The following JMJD1C variants were observed in gnomAD, a reference collection of about 807,000 sequenced individuals.
JMJD1C encodes the protein jumonji domain-containing protein 1C.
Under a neutral mutation model 245.3 loss-of-function variants are expected in JMJD1C, and 31 were observed. The ratio of observed to expected loss-of-function variants is 0.13; its 90% CI spans 0.09 to 0.17. The LOEUF (loss-of-function observed/expected upper bound fraction) is 0.17. Among genes scored for constraint, JMJD1C ranks in the 10% least tolerant of loss-of-function variants. The pLI, the probability that JMJD1C is intolerant of heterozygous loss-of-function variation, is 1.00. For missense variants in JMJD1C, 2,691 were observed against 3,000.2 expected (o/e 0.90, Z 2.41); for synonymous variants, 1,057 against 1,017.4 (o/e 1.04, Z -0.74).
intron 1 of JMJD1C, among the ~76,000 whole-genome samples, chr10:63,435,334 T>C (rs1337992224): frequency 7.2e-5 from 11 of 152,138 alleles, no homozygotes; most frequent in Non-Finnish European, 1.5e-4. Flanking sequence ...AAAGAAACAG[T>C]TGTACTTTTA....
intron 1 of JMJD1C, among the ~76,000 whole-genome samples, chr10:63,422,284 C>T (rs1427345485): frequency 3.3e-5 from 5 of 152,048 alleles, no homozygotes; most frequent in South Asian, 4.2e-4. Flanking sequence ...TGGTGGTGTG[C>T]GCCTGTAATC....
chr10:63,208,509 A>G lies in JMJD1C; in HGVS notation c.3160T>C (p.Ser1054Pro), dbSNP rs1461145717. 8 of 1,613,960 alleles carry G rather than the reference A, an allele frequency of 5.0e-6. No homozygotes were observed. The highest frequency in any genetic ancestry group is 6.8e-6 in the Non-Finnish European group (8 of 1,179,994). Residue 1054 changes from serine to proline, a missense_variant, in exon 10 of 26, where the codon TCA becomes CCA. This residue lies in a region of JMJD1C where 1,562 missense variants were observed against 1,490.7 expected (regional missense o/e 1.05). Coordinates refer to ENST00000399262, the MANE Select transcript of JMJD1C (RefSeq NM_032776.3). The stretch of plus-strand genomic sequence containing the variant: ...TGGCTTTTAGGACTGGAAGATGATG[A>G]TGCCACTCTGGAATAATTCTCTCTC... ...GERENYSRVA[S>P]SSSSPKSHII...
chr10:63,361,617 T>TAA (rs957790902), intron 2 of JMJD1C, among the ~76,000 whole-genome samples: 10 of 149,974 alleles, frequency 6.7e-5, no homozygotes, highest in African/African-American at 2.5e-4. Context: ...CAGCATGTCT[T>TAA]AAGTTAAGGA....
intron 2 of JMJD1C, among the ~76,000 whole-genome samples, chr10:63,316,163 T>A (rs960818464): frequency 6.6e-6 from 1 of 152,194 alleles, no homozygotes; most frequent in African/African-American, 2.4e-5. Context: ...TAGAGCAAGA[T>A]CCTGTCTCAA....
intron 1 of JMJD1C, among the ~76,000 whole-genome samples, chr10:63,491,218 C>T (rs1007076645): frequency 2.0e-5 from 3 of 152,050 alleles, no homozygotes; most frequent in African/African-American, 7.3e-5. Context: ...TATTACCTTC[C>T]TCATCTCATT....
chr10:63,362,567 C>T (rs545971477), intron 2 of JMJD1C, among the ~76,000 whole-genome samples: 1 of 152,112 alleles, frequency 6.6e-6, no homozygotes, highest in East Asian at 1.9e-4. Context: ...GCAGCCTTGG[C>T]CTCCAAGGCT....
intron 3 of JMJD1C, among the ~76,000 whole-genome samples, chr10:63,243,103 T>TTATATATATA (rs10607355): frequency 0.022 from 2,657 of 120,012 alleles, 90 homozygotes; most frequent in Middle Eastern, 0.033. Context: ...CTAACATAAA[T>TTATATATATA]TATATATATA....
intron 2 of JMJD1C, among the ~76,000 whole-genome samples, chr10:63,308,983 G>A (rs1040725302): frequency 6.6e-6 from 1 of 152,130 alleles, no homozygotes; most frequent in African/African-American, 2.4e-5. Context: ...TCAGAAAACA[G>A]AATGGCAGAA....
intron 1 of JMJD1C, among the ~76,000 whole-genome samples, chr10:63,418,480 A>C (rs993546129): frequency 3.3e-5 from 5 of 152,210 alleles, no homozygotes; most frequent in African/African-American, 1.2e-4. Flanking sequence ...AGGTACAACA[A>C]ATAAAACAAT....
intron 1 of JMJD1C, among the ~76,000 whole-genome samples, chr10:63,395,889 A>G (rs1049835650): frequency 7.9e-5 from 12 of 152,198 alleles, no homozygotes; most frequent in African/African-American, 2.9e-4. Flanking sequence ...CAAGAAAAAG[A>G]CAAGAAAATC....
intron 1 of JMJD1C, chr10:63,427,515 T>C (rs1275976903): frequency 1.5e-6 from 2 of 1,339,144 alleles, no homozygotes; most frequent in Admixed American, 1.7e-5. Context: ...TTCCTGCCAA[T>C]GTTCTTCATT....
intron 3 of JMJD1C, among the ~76,000 whole-genome samples, chr10:63,246,182 A>G (rs1267165545): frequency 3.9e-5 from 6 of 152,204 alleles, no homozygotes; most frequent in African/African-American, 1.4e-4. Flanking sequence ...AAACTTTTCA[A>G]AACTTGAGAA....
At chr10:63,520,406 G>A (rs1287358231) in intron 1 of JMJD1C, among the ~76,000 whole-genome samples, 3 of 150,338 alleles carry the variant, frequency 2.0e-5, no homozygotes, top group Admixed American at 6.7e-5. Context: ...TTTATTCTTC[G>A]CACCATCTGA....
At chr10:63,228,895 A>C (rs990984321) in intron 3 of JMJD1C, among the ~76,000 whole-genome samples, 8 of 152,184 alleles carry the variant, frequency 5.3e-5, no homozygotes, top group African/African-American at 1.9e-4. Context: ...ATATAACAAT[A>C]TACTTGATTT....
chr10:63,521,534 G>GC (rs1474762977), intron 1 of JMJD1C: 1 of 1,417,124 alleles, frequency 7.1e-7, no homozygotes, highest in Non-Finnish European at 9.3e-7. Context: ...TGGGGCCCAA[G>GC]CCCCCGTGAA....
At chr10:63,436,803 T>C (rs917708867) in intron 1 of JMJD1C, among the ~76,000 whole-genome samples, 1 of 152,142 alleles carries the variant, frequency 6.6e-6, no homozygotes, top group Admixed American at 6.5e-5. Flanking sequence ...GATTATCCTT[T>C]CAGACATAAG....
At chr10:63,519,571 T>A (rs1248007517) in intron 1 of JMJD1C, among the ~76,000 whole-genome samples, 2 of 152,190 alleles carry the variant, frequency 1.3e-5, no homozygotes, top group Non-Finnish European at 2.9e-5. Context: ...AGAGGCAGAA[T>A]GACACAGATA....
intron 24 of JMJD1C, among the ~76,000 whole-genome samples, chr10:63,170,504 T>C (rs1842245492): frequency 6.6e-6 from 1 of 152,248 alleles, no homozygotes; most frequent in Admixed American, 6.5e-5. Flanking sequence ...CTGAAGTCTC[T>C]GTTCCACTAT....
intron 2 of JMJD1C, among the ~76,000 whole-genome samples, chr10:63,376,685 A>T (rs753390526): frequency 1.7e-4 from 26 of 152,254 alleles, no homozygotes; most frequent in Non-Finnish European, 3.2e-4. Flanking sequence ...GCTCAACATC[A>T]CATTAAGCAT....
Sources: allele counts gnomAD v4.1 joint callset (sites outside exome capture counted in the v4.1 genomes callset), GRCh38; gene constraint gnomAD v4.1.1; regional missense constraint gnomAD v4.1.1; transcripts MANE v1.5; gene names NCBI Gene and HGNC (gene_info 2026-07-23, HGNC 2026-07-21).